Variants in DMD observed in about 807,000 individuals in gnomAD.
DMD encodes the protein dystrophin, also known as mutant dystrophin.
Under a neutral mutation model 330.1 loss-of-function variants are expected in DMD, and 63 were observed. The ratio of observed to expected loss-of-function variants is 0.19; its 90% confidence interval spans 0.16 to 0.24. DMD has a LOEUF of 0.24. Among genes scored for constraint, DMD ranks in the 10% least tolerant of loss-of-function variants. DMD has a pLI of 1.00. For synonymous variants in DMD, 1,223 were observed against 959.8 expected (o/e 1.27, Z -5.07); for missense variants, 3,344 against 2,684.1 (o/e 1.25, Z -5.43).
At chrX:31,630,598 A>T (rs2079083990) in intron 54 of DMD, among the ~76,000 whole-genome samples, 2 of 111,645 alleles carry the variant, frequency 1.8e-5, no homozygotes, top group Non-Finnish European at 3.8e-5. Context: ...CATGCTCTAA[A>T]TGTATCATAT....
intron 1 of DMD, among the ~76,000 whole-genome samples, chrX:33,287,222 G>T (rs748774388): frequency 8.1e-5 from 9 of 111,226 alleles, no homozygotes; most frequent in Non-Finnish European, 1.7e-4. Flanking sequence ...ATTATTGTGA[G>T]ATATGGATCT....
chrX:32,841,989 A>G (rs1198270716), intron 4 of DMD, among the ~76,000 whole-genome samples: 1 of 112,336 alleles, frequency 8.9e-6, no homozygotes, highest in East Asian at 2.8e-4. Context: ...GTCCAAGTTA[A>G]CTTTTCTCTT....
intron 7 of DMD, among the ~76,000 whole-genome samples, chrX:32,739,983 C>G (rs2069022553): frequency 9.1e-6 from 1 of 110,129 alleles, no homozygotes. Context: ...CACCAAAGTT[C>G]CATTCTTTTA....
chrX:31,579,310 A>G (rs111547628), intron 55 of DMD, among the ~76,000 whole-genome samples: 9 of 112,408 alleles, frequency 8.0e-5, no homozygotes, highest in African/African-American at 2.9e-4. Flanking sequence ...ACATGTCAAG[A>G]TTAGCAAGCT....
At chrX:33,316,564 A>T (rs921156756) in intron 1 of DMD, among the ~76,000 whole-genome samples, 2 of 111,600 alleles carry the variant, frequency 1.8e-5, no homozygotes, top group Non-Finnish European at 3.8e-5. Flanking sequence ...CCCTAGCATC[A>T]TTTGTTGAAA....
chrX:31,559,136 C>T (rs897964617), intron 55 of DMD, among the ~76,000 whole-genome samples: 1 of 112,254 alleles, frequency 8.9e-6, no homozygotes, highest in Non-Finnish European at 1.9e-5. Flanking sequence ...AGCTATTATT[C>T]AGTAAGTGAG....
At chrX:31,966,506 T>A (rs1024795157) in intron 45 of DMD, among the ~76,000 whole-genome samples, 5 of 110,215 alleles carry the variant, frequency 4.5e-5, no homozygotes, top group Non-Finnish European at 7.6e-5. Context: ...AAAGCTCAGC[T>A]TAAAAAAAAA....
intron 1 of DMD, among the ~76,000 whole-genome samples, chrX:33,248,348 T>C (rs2148895308): frequency 8.9e-6 from 1 of 112,558 alleles, no homozygotes; most frequent in Admixed American, 9.4e-5. Flanking sequence ...GCCGCGAGAA[T>C]AAATAATATT....
At chrX:32,461,334 C>T (rs1324992494) in intron 25 of DMD, among the ~76,000 whole-genome samples, 1 of 110,807 alleles carries the variant, frequency 9.0e-6, no homozygotes, top group Non-Finnish European at 1.9e-5. Context: ...TCTCCTTGAG[C>T]GCCATTGTTC....
intron 44 of DMD, among the ~76,000 whole-genome samples, chrX:32,213,298 C>A (rs1158525091): frequency 1.8e-5 from 2 of 112,121 alleles, no homozygotes; most frequent in African/African-American, 6.5e-5. Context: ...GAAACTCATT[C>A]TCTTATTCAT....
At chrX:32,993,996 A>G (rs67817037) in intron 2 of DMD, among the ~76,000 whole-genome samples, 10,638 of 110,347 alleles carry the variant, frequency 0.096, 635 homozygotes, top group African/African-American at 0.21. Flanking sequence ...AGAGTGGACA[A>G]CCTGGCAGAA....
intron 34 of DMD, among the ~76,000 whole-genome samples, chrX:32,377,043 T>C (rs747575521): frequency 8.9e-6 from 1 of 111,844 alleles, no homozygotes; most frequent in South Asian, 3.7e-4. Flanking sequence ...GTAAAATCTG[T>C]ATTGTTTTTA....
Position 32,463,429 on chromosome X carries a change from T to C in DMD, c.3432+10A>G, listed in dbSNP as rs746260475. ...TTGAGGCAAGCCACAGTGAAAGAGA[T>C]TGTCTATACCTGTTGGCACATGTGA... On this transcript the variant is annotated intron_variant, in intron 25 of 78. Transcript: ENST00000357033. 102 of 1,190,562 alleles carry C rather than the reference T, an allele frequency of 8.6e-5. No individual in the cohort carries two copies. Among genetic ancestry groups the C allele is most frequent in the Non-Finnish European group, 1.1e-4 (98 of 884,289 alleles).
At chrX:33,207,940 C>T (rs906913187) in intron 1 of DMD, among the ~76,000 whole-genome samples, 1 of 111,370 alleles carries the variant, frequency 9.0e-6, no homozygotes, top group East Asian at 2.8e-4. Flanking sequence ...CCAATACGAA[C>T]CAACTGCCTT....
chrX:32,228,222 T>C (rs764866407), intron 43 of DMD, among the ~76,000 whole-genome samples: 4 of 111,479 alleles, frequency 3.6e-5, no homozygotes, highest in Non-Finnish European at 5.7e-5. Context: ...GTGTCCCTGA[T>C]ATTACTATTG....
intron 43 of DMD, among the ~76,000 whole-genome samples, chrX:32,233,962 A>T (rs2097178743): frequency 9.0e-6 from 1 of 111,026 alleles, no homozygotes; most frequent in Admixed American, 9.7e-5. Context: ...TTTTGTGCCA[A>T]AATTGTATAT....
chrX:31,285,478 A>G (rs1478218965), intron 62 of DMD, among the ~76,000 whole-genome samples: 5 of 112,350 alleles, frequency 4.5e-5, no homozygotes. Flanking sequence ...CTGACTATTT[A>G]AAAAAATGTT....
chrX:32,287,787 A>C, intron 42 of DMD, 86 bp from the exon 43 acceptor site: 3 of 643,348 alleles, frequency 4.7e-6, no homozygotes, highest in African/African-American at 2.3e-5. Flanking sequence ...ACAAATCCCA[A>C]AGGTAGCAAA....
At chrX:32,680,426 A>G (rs887256633) in intron 9 of DMD, among the ~76,000 whole-genome samples, 13 of 111,317 alleles carry the variant, frequency 1.2e-4, no homozygotes, top group African/African-American at 4.2e-4. Flanking sequence ...ACTGGTCCTC[A>G]GGCACTGAGT....
Sources: allele counts gnomAD v4.1 joint callset (sites outside exome capture counted in the v4.1 genomes callset), GRCh38; gene constraint gnomAD v4.1.1; transcripts MANE v1.5; gene names NCBI Gene and HGNC (gene_info 2026-07-23, HGNC 2026-07-21).